Variants in ANKRD27 observed in about 807,000 individuals in gnomAD.
The protein encoded by ANKRD27 is ankyrin repeat domain 27.
A neutral mutation model predicts 129.7 loss-of-function variants in ANKRD27; 112 were observed. That is an observed-to-expected ratio of 0.86 (90% CI 0.74 to 1.01). The LOEUF is 1.01. Among genes scored for constraint, ANKRD27 ranks in the 50% least tolerant of loss-of-function variants. ANKRD27 has a pLI of 0.00. For synonymous variants in ANKRD27, 516 were observed against 511.2 expected, an observed-to-expected ratio of 1.01 and a Z score of -0.13; for missense variants, 1,258 against 1,300.5, an observed-to-expected ratio of 0.97 and a Z score of 0.50.
rs116985548 is a variant in ANKRD27, at chr19:32,606,448, C to T, written c.2374-494G>A. On this transcript the variant is annotated intron_variant, in intron 23 of 28. Transcript: ENST00000306065. ...GGATTACAGGCATGAGCCACCACGCCCAGCCGTCTCTGAGCTTATTGAGAA... is the reference window on the plus strand; with the variant it reads ...GGATTACAGGCATGAGCCACCACGCTCAGCCGTCTCTGAGCTTATTGAGAA... Among the ~76,000 whole-genome samples the T allele has an allele frequency of 5.1e-3, 773 of 152,186 alleles. 10 individuals are homozygous for T. The highest frequency in any genetic ancestry group is 0.044 in the East Asian group (225 of 5,158).
chr19:32,609,562 C>T (rs1971802451), intron 22 of ANKRD27, among the ~76,000 whole-genome samples: 2 of 151,478 alleles, frequency 1.3e-5, no homozygotes, highest in South Asian at 2.1e-4. Context: ...AAGGGACATG[C>T]GTTAGAATTC....
intron 13 of ANKRD27, among the ~76,000 whole-genome samples, chr19:32,630,868 G>C (rs768557610): frequency 2.0e-5 from 3 of 152,076 alleles, no homozygotes; most frequent in Non-Finnish European, 2.9e-5. Context: ...CTGGCCTCAA[G>C]TGATCCTCCC....
Position 32,669,990 on chromosome 19 carries a change from C to T in ANKRD27, c.-31+5081G>A, listed in dbSNP as rs566692554. ...CAGCCTGAGTGACAGGCTGAGATCC[C>T]GTCACAAAAAAAAAAAAAAGAAAGA... On this transcript the variant is annotated intron_variant, in intron 1 of 28. Coordinates refer to ENST00000306065, the MANE Select transcript of ANKRD27 (RefSeq NM_032139.3). 1.0e-4 allele frequency among the ~76,000 whole-genome samples: 14 copies of T among 140,200 alleles called. No homozygotes were observed. The East Asian group carries it at 2.7e-3, about 27-fold the overall frequency. 92.0% of individuals were successfully genotyped at this position (140,200 alleles called of 152,430 possible). A position where few individuals can be genotyped will look rare whatever the true frequency, so the allele number is the denominator to read the frequency against.
intron 28 of ANKRD27, among the ~76,000 whole-genome samples, chr19:32,598,763 TCTC>T (rs34374362): frequency 0.22 from 33,731 of 152,032 alleles, 4,278 homozygotes; most frequent in Admixed American, 0.36. Flanking sequence ...AAGCAGCAGG[TCTC>T]CTAGCAACAC....
rs1971979260 is a variant in ANKRD27, at chr19:32,619,693, G to A, written c.1828-140C>T. Reference sequence around the variant, plus strand: ...GAGCCTTAGGTCACGTGGCCCAGTCGCACCCTTGGATAGACAGAAAAACCA... The same window carrying A: ...GAGCCTTAGGTCACGTGGCCCAGTCACACCCTTGGATAGACAGAAAAACCA... On this transcript the variant is annotated intron_variant, in intron 18 of 28. Transcript: ENST00000306065. 14 of 1,006,528 alleles carry A rather than the reference G, an allele frequency of 1.4e-5. No individual in the cohort carries two copies. In the East Asian group the frequency reaches 1.8e-4, roughly 13 times the overall value. 62.3% of individuals were successfully genotyped at this position (1,006,528 alleles called of 1,614,324 possible).
chr19:32,610,426 A>G (rs1014404044), intron 22 of ANKRD27, among the ~76,000 whole-genome samples: 1 of 151,258 alleles, frequency 6.6e-6, no homozygotes, highest in African/African-American at 2.4e-5. Context: ...TTGAGGCTTC[A>G]GTGAGCTATG....
At chr19:32,661,140 G>A (rs964950679) in intron 1 of ANKRD27, among the ~76,000 whole-genome samples, 6 of 150,596 alleles carry the variant, frequency 4.0e-5, no homozygotes, top group East Asian at 2.0e-4. Context: ...GGTTAAGGCC[G>A]CTATGAGCCA....
chr19:32,625,992 G>T (rs1315587273), intron 16 of ANKRD27, 26 bp from the exon 17 acceptor site: 6 of 1,569,844 alleles, frequency 3.8e-6, no homozygotes, highest in Non-Finnish European at 4.3e-6. Context: ...AAAGCGATGA[G>T]CAGGGCACAG....
At chr19:32,661,421 C>T (rs1967644613) in intron 1 of ANKRD27, among the ~76,000 whole-genome samples, 1 of 152,126 alleles carries the variant, frequency 6.6e-6, no homozygotes, top group South Asian at 2.1e-4. Context: ...ACCTTGAACT[C>T]CTGGGCTCAA....
chr19:32,656,617 T>C (rs893874330), intron 2 of ANKRD27, among the ~76,000 whole-genome samples: 2 of 148,748 alleles, frequency 1.3e-5, no homozygotes, highest in Admixed American at 6.8e-5. Context: ...TGAGACCCCA[T>C]CTCTACAAAA....
chr19:32,598,444 T>C (rs1189461948), intron 28 of ANKRD27, 66 bp from the exon 29 acceptor site: 3 of 1,484,890 alleles, frequency 2.0e-6, no homozygotes, highest in Non-Finnish European at 2.8e-6. Flanking sequence ...ACCATGACAG[T>C]GACAGCTGCC....
chr19:32,625,771 T>A (rs1409468225), intron 17 of ANKRD27, 103 bp downstream of exon 17: 2 of 1,029,194 alleles, frequency 1.9e-6, no homozygotes, highest in African/African-American at 3.3e-5. Context: ...ACACCCAATG[T>A]TCCAATAATT....
intron 22 of ANKRD27, among the ~76,000 whole-genome samples, chr19:32,610,733 A>G (rs1346209899): frequency 1.3e-5 from 2 of 152,178 alleles, no homozygotes; most frequent in African/African-American, 4.8e-5. Flanking sequence ...CAGAGGTTGC[A>G]GTGAGCCAAT....
chr19:32,631,365 A>C, intron 13 of ANKRD27, 37 bp downstream of exon 13: 1 of 1,566,246 alleles, frequency 6.4e-7, no homozygotes, highest in Middle Eastern at 1.7e-4. Context: ...AGTGTTCCTC[A>C]CCCACATTTA....
chr19:32,604,060 T>C (rs1971692515), intron 25 of ANKRD27, among the ~76,000 whole-genome samples: 2 of 152,220 alleles, frequency 1.3e-5, no homozygotes, highest in Non-Finnish European at 2.9e-5. Context: ...GAATGATTCC[T>C]GGTTCCCAGA....
At chr19:32,673,367 C>T (rs1335842814) in intron 1 of ANKRD27, 3 of 985,190 alleles carry the variant, frequency 3.0e-6, no homozygotes, top group African/African-American at 1.7e-5. Flanking sequence ...CCTGGATCTG[C>T]CCCCTGGATT....
Position 32,658,977 on chromosome 19 carries a change from G to A in ANKRD27, c.39C>T (p.Phe13=). 1 of 1,614,086 alleles carries A rather than the reference G, an allele frequency of 6.2e-7. No individual in the cohort carries two copies. The highest frequency in any genetic ancestry group is 1.3e-5 in the African/African-American group (1 of 75,032). ...GGCGGCACTTTTGCAGAGCCAGATA[G>A]AAAGGATTTTTCAGGAGGTCTTCAT... ...LYDEDLLKNP[F]YLALQKCRPD... is the part of the protein sequence containing the mutation. Residue 13 remains phenylalanine, a synonymous_variant, in exon 2 of 29, where the codon TTC becomes TTT. Coordinates refer to ENST00000306065, the MANE Select transcript of ANKRD27 (RefSeq NM_032139.3).
chr19:32,646,316 G>C, intron 4 of ANKRD27, 143 bp downstream of exon 4: 1 of 690,570 alleles, frequency 1.4e-6, no homozygotes, highest in Non-Finnish European at 2.3e-6. Context: ...TGATCCTTGT[G>C]CCTCGGCCTC....
chr19:32,648,567 G>A (rs544653626), intron 3 of ANKRD27, among the ~76,000 whole-genome samples: 55 of 152,312 alleles, frequency 3.6e-4, no homozygotes, highest in Admixed American at 1.2e-3. Flanking sequence ...TTGGGAGGCC[G>A]AGGCGGGTGG....
Sources: allele counts gnomAD v4.1 joint callset (sites outside exome capture counted in the v4.1 genomes callset), GRCh38; gene constraint gnomAD v4.1.1; transcripts MANE v1.5; gene names NCBI Gene and HGNC (gene_info 2026-07-23, HGNC 2026-07-21).